CCDC152: variants seen among roughly 807,000 people sequenced by gnomAD.
The protein encoded by CCDC152 is coiled-coil domain-containing protein 152.
A neutral mutation model predicts 38.1 loss-of-function variants in CCDC152; 37 were observed. The observed-to-expected ratio is 0.97, with a 90% confidence interval of 0.75 to 1.28. The LOEUF (loss-of-function observed/expected upper bound fraction) is 1.28, where lower values mean the gene tolerates loss of function less well. Among genes scored for constraint, CCDC152 ranks in the 50% most tolerant of loss-of-function variants. The pLI is 0.00. For synonymous variants in CCDC152, 83 were observed against 87.1 expected (o/e 0.95, Z 0.26); for missense variants, 259 against 292.1 (o/e 0.89, Z 0.83).
intron 5 of CCDC152, among the ~76,000 whole-genome samples, chr5:42,781,944 C>T (rs891713631): frequency 3.3e-5 from 5 of 152,136 alleles, no homozygotes; most frequent in African/African-American, 7.2e-5. Flanking sequence ...ACCATACCCC[C>T]GGTAAAGTTG....
chr5:42,793,545 A>T (rs1760033579), intron 6 of CCDC152, among the ~76,000 whole-genome samples: 1 of 152,236 alleles, frequency 6.6e-6, no homozygotes, highest in Admixed American at 6.5e-5. Context: ...TAATGGCATT[A>T]TCAGATATAT....
At chr5:42,765,944 G>A (rs1021430504) in intron 3 of CCDC152, among the ~76,000 whole-genome samples, 11 of 152,050 alleles carry the variant, frequency 7.2e-5, no homozygotes, top group Non-Finnish European at 1.3e-4. Flanking sequence ...CTTCTGCACA[G>A]CACAGGATAC....
rs980411123 is a variant in CCDC152, at chr5:42,768,375, A to G, written c.194-1222A>G. On this transcript the variant is annotated intron_variant, in intron 3 of 8. Transcript: ENST00000361970. ...GTCCTAAACAGTAGGAATCAATAGT[A>G]AGCAAAACAAAACAGTCTCTGCTGT... 6.3e-5 allele frequency among the ~76,000 whole-genome samples: 5 copies of G among 79,478 alleles called. No individual in the cohort carries two copies. In the South Asian group the frequency reaches 1.6e-3, roughly 26 times the overall value. The allele number at this position is 79,478 out of a possible 152,430, so 52.1% of individuals were successfully genotyped here.
Position 42,768,512 on chromosome 5 carries a change from G to A in CCDC152, c.194-1085G>A, listed in dbSNP as rs1474643689. Among the ~76,000 whole-genome samples, 9 of 152,274 alleles carry A rather than the reference G, an allele frequency of 5.9e-5. No individual in the cohort carries two copies. The East Asian group carries it at 1.2e-3, about 20-fold the overall frequency. ...AATATTATAGTCAAGGCTTGAATGCGCATGTCAAGGCTCTAATATTTGCAA... is the reference window on the plus strand; with the variant it reads ...AATATTATAGTCAAGGCTTGAATGCACATGTCAAGGCTCTAATATTTGCAA... On this transcript the variant is annotated intron_variant, in intron 3 of 8. Transcript: ENST00000361970.
At chr5:42,794,487 G>A (rs1483304450) in intron 6 of CCDC152, among the ~76,000 whole-genome samples, 1 of 152,158 alleles carries the variant, frequency 6.6e-6, no homozygotes, top group Non-Finnish European at 1.5e-5. Context: ...TGTATAAATT[G>A]CACTGTTCCC....
intron 5 of CCDC152, among the ~76,000 whole-genome samples, chr5:42,782,726 T>C (rs1357085398): frequency 6.6e-6 from 1 of 152,060 alleles, no homozygotes; most frequent in Non-Finnish European, 1.5e-5. Context: ...TGGATATACC[T>C]CACATATTTA....
intron 4 of CCDC152, among the ~76,000 whole-genome samples, chr5:42,770,177 T>C (rs1212932673): frequency 6.6e-6 from 1 of 152,204 alleles, no homozygotes; most frequent in Non-Finnish European, 1.5e-5. Context: ...TTTTGTGCTG[T>C]TCTGACTCAG....
At chr5:42,767,470 T>A (rs1312639615) in intron 3 of CCDC152, among the ~76,000 whole-genome samples, 1 of 152,176 alleles carries the variant, frequency 6.6e-6, no homozygotes, top group Non-Finnish European at 1.5e-5. Context: ...TTTACTAAAT[T>A]ATACAGTATA....
chr5:42,762,806 A>G (rs906793715), intron 3 of CCDC152, among the ~76,000 whole-genome samples: 12 of 152,236 alleles, frequency 7.9e-5, no homozygotes, highest in Admixed American at 3.9e-4. Flanking sequence ...TCTGAGGCCA[A>G]TAAGAAATGG....
rs781105623 is a variant in CCDC152, at chr5:42,800,975, A to G, written c.*1194A>G. ...GTCGACAATGGCAGCATCAGCTCCT[A>G]GGAGCCAACTCTGAATCTGTGGGCA... On this transcript the variant is annotated 3_prime_UTR_variant, in exon 9 of 9. Transcript: ENST00000361970. 2 of 1,614,230 alleles carry G rather than the reference A, an allele frequency of 1.2e-6. No homozygotes were observed. Among genetic ancestry groups the G allele is most frequent in the South Asian group, 1.1e-5 (1 of 91,090 alleles).
chr5:42,771,287 A>G (rs1759696087), intron 4 of CCDC152, among the ~76,000 whole-genome samples: 1 of 152,174 alleles, frequency 6.6e-6, no homozygotes, highest in Non-Finnish European at 1.5e-5. Context: ...GGGGAAGTTT[A>G]TGGCTGTAAA....
At chr5:42,799,546 ATAAGG>A (rs1346330036) in intron 8 of CCDC152, 88 bp downstream of exon 8, 10 of 1,163,920 alleles carry the variant, frequency 8.6e-6, no homozygotes, top group Non-Finnish European at 9.7e-6. Context: ...TATTAACAAT[ATAAGG>A]TATTTTTTAA....
Position 42,759,237 on chromosome 5 carries a change from A to G in CCDC152, c.87+29A>G, listed in dbSNP as rs551978424. ...TGTAAAGATAGAAAACAATTCTACT[A>G]TATAGGGATACATGGAACAGATTTT... On this transcript the variant is annotated intron_variant, in intron 2 of 8. Coordinates refer to ENST00000361970, the MANE Select transcript of CCDC152 (RefSeq NM_001134848.2). The G allele has an allele frequency of 3.6e-5, 50 of 1,375,572 alleles. No homozygotes were observed. In the African/African-American group the frequency reaches 5.2e-4, roughly 14 times the overall value. 85.2% of individuals were successfully genotyped at this position (1,375,572 alleles called of 1,614,324 possible). A position where few individuals can be genotyped will look rare whatever the true frequency, so the allele number is the denominator to read the frequency against.
intron 6 of CCDC152, among the ~76,000 whole-genome samples, chr5:42,784,186 G>A (rs1006526002): frequency 6.6e-6 from 1 of 152,058 alleles, no homozygotes; most frequent in African/African-American, 2.4e-5. Context: ...CCATAGGGGT[G>A]AAACTAATTT....
At chr5:42,778,170 C>T (rs1167909151) in intron 4 of CCDC152, among the ~76,000 whole-genome samples, 1 of 152,188 alleles carries the variant, frequency 6.6e-6, no homozygotes, top group African/African-American at 2.4e-5. Flanking sequence ...CAATTAACAA[C>T]AAAATAGCTA....
chr5:42,801,422 C>G lies in CCDC152; in HGVS notation c.*1641C>G. On this transcript the variant is annotated 3_prime_UTR_variant, in exon 9 of 9. Coordinates refer to ENST00000361970, the MANE Select transcript of CCDC152 (RefSeq NM_001134848.2). Reference sequence around the variant, plus strand: ...ATTTGTAGAGCTAACATGTGAAATTCCAACTAGTTAATTAGAATCGAGCTG... The same window carrying G: ...ATTTGTAGAGCTAACATGTGAAATTGCAACTAGTTAATTAGAATCGAGCTG... 1.0e-6 allele frequency: 1 copy of G among 969,640 alleles called. No individual in the cohort carries two copies. The highest frequency in any genetic ancestry group is 1.5e-6 in the Non-Finnish European group (1 of 655,198). The allele number at this position is 969,640 out of a possible 1,614,324, so 60.1% of individuals were successfully genotyped here.
chr5:42,796,017 A>C, intron 6 of CCDC152, among the ~76,000 whole-genome samples: 1 of 150,406 alleles, frequency 6.6e-6, no homozygotes, highest in Admixed American at 6.7e-5. Context: ...ACATGTTCTC[A>C]CTCATAGGTG....
At chr5:42,797,730 C>T (rs1435872813) in intron 7 of CCDC152, among the ~76,000 whole-genome samples, 3 of 152,110 alleles carry the variant, frequency 2.0e-5, no homozygotes, top group African/African-American at 7.2e-5. Flanking sequence ...AAACAAATTT[C>T]TTCCTAATAA....
intron 1 of CCDC152, among the ~76,000 whole-genome samples, chr5:42,757,348 TG>T (rs1413683943): frequency 6.6e-6 from 1 of 151,464 alleles, no homozygotes; most frequent in Non-Finnish European, 1.5e-5. Context: ...ACCAACTGTG[TG>T]GGGTAGGGGA....
Sources: gnomAD v4.1 joint callset for allele counts (sites outside exome capture counted in the v4.1 genomes callset) on GRCh38, gnomAD v4.1.1 for gene constraint, MANE v1.5 for transcripts, NCBI Gene and HGNC (gene_info 2026-07-23, HGNC 2026-07-21) for gene names.